Variants in KNL1 observed in about 807,000 individuals in gnomAD.
KNL1 encodes kinetochore scaffold 1.
KNL1 carries 66 observed loss-of-function variants against 201.3 expected under a neutral mutation model. That is an observed-to-expected ratio of 0.33 (90% CI 0.27 to 0.40). KNL1 has a LOEUF of 0.40. Among genes scored for constraint, KNL1 ranks in the 10% least tolerant of loss-of-function variants. The pLI, the probability that KNL1 is intolerant of heterozygous loss-of-function variation, is 1.00. For synonymous variants in KNL1, 895 were observed against 899.2 expected, an observed-to-expected ratio of 1.00 and a Z score of 0.08; for missense variants, 2,815 against 2,690.5, an observed-to-expected ratio of 1.05 and a Z score of -1.02.
At position 40,662,546 on chromosome 15, in the gene KNL1, A is replaced by G. The variant is rs557320445; in HGVS notation, c.*358A>G. On this transcript the variant is annotated 3_prime_UTR_variant, in exon 26 of 26. Transcript: ENST00000399668. ...TGACAAGAACATTAGCCATTTTCCC[A>G]TAACTAGATAGAGCTATGATTTTTT... 1.3e-5 allele frequency: 3 copies of G among 228,992 alleles called. No individual in the cohort carries two copies. The highest frequency in any genetic ancestry group is 4.4e-5 in the African/African-American group (2 of 45,032). The allele number at this position is 228,992 out of a possible 1,614,324, so 14.2% of individuals were successfully genotyped here.
chr15:40,612,132 G>A (rs1007133796), intron 7 of KNL1, among the ~76,000 whole-genome samples: 1 of 151,962 alleles, frequency 6.6e-6, no homozygotes, highest in East Asian at 1.9e-4. Context: ...CCTGGCCAAC[G>A]TGGTGAAACC....
Position 40,648,244 on chromosome 15 carries a change from G to A in KNL1, c.6094+1170G>A, listed in dbSNP as rs117438711. On this transcript the variant is annotated intron_variant, in intron 17 of 25. Coordinates refer to ENST00000399668, the MANE Select transcript of KNL1 (RefSeq NM_144508.5). Reference sequence around the variant, plus strand: ...ACCTTAAACTGTGAATACAGCCTGGGCAACAGAGTGAGGCACTATCTCTAC... The same window carrying A: ...ACCTTAAACTGTGAATACAGCCTGGACAACAGAGTGAGGCACTATCTCTAC... 6.1e-4 allele frequency among the ~76,000 whole-genome samples: 93 copies of A among 152,100 alleles called. 1 individual carries two copies. The East Asian group carries it at 0.012, about 20-fold the overall frequency.
rs1386035760 is a variant in KNL1 at position 40,624,830 on chromosome 15, C to G, written c.4566C>G (p.Phe1522Leu). 1.2e-6 allele frequency: 2 copies of G among 1,613,256 alleles called. No homozygotes were observed. The highest frequency in any genetic ancestry group is 1.7e-6 in the Non-Finnish European group (2 of 1,179,896). ...QTTNYNTALD[F>L]HSNSDVTKQV... ...CTAACTATAATACAGCTCTAGATTTCCACAGTAACTCAGACGTAACTAAGC... is the reference window on the plus strand; with the variant it reads ...CTAACTATAATACAGCTCTAGATTTGCACAGTAACTCAGACGTAACTAAGC... Residue 1522 changes from phenylalanine (F) to leucine (L), a missense_variant, in exon 10 of 26, where the codon TTC (phenylalanine) becomes TTG (leucine). Phe to Leu is a conservative substitution (Grantham distance 22). Coordinates refer to ENST00000399668, the MANE Select transcript of KNL1 (RefSeq NM_144508.5).
intron 2 of KNL1, among the ~76,000 whole-genome samples, chr15:40,603,493 T>G (rs1423039863): frequency 2.0e-5 from 3 of 152,196 alleles, no homozygotes; most frequent in East Asian, 3.8e-4. Context: ...ACTCATCTAC[T>G]CTGGGCATGG....
chr15:40,648,046 C>T (rs1893447868), intron 17 of KNL1, among the ~76,000 whole-genome samples: 1 of 152,114 alleles, frequency 6.6e-6, no homozygotes, highest in Non-Finnish European at 1.5e-5. Context: ...ATACTGCATG[C>T]CAGATACTGT....
At chr15:40,598,714 TTAAC>T (rs1891691588) in intron 1 of KNL1, among the ~76,000 whole-genome samples, 1 of 152,256 alleles carries the variant, frequency 6.6e-6, no homozygotes, top group East Asian at 1.9e-4. Flanking sequence ...TTTTCAAAGT[TTAAC>T]TATTAAGTTG....
rs115572380 is a variant in KNL1 at position 40,604,032 on chromosome 15, T to C, written c.35+1066T>C. On this transcript the variant is annotated intron_variant, in intron 2 of 25. Transcript: ENST00000399668. The stretch of plus-strand genomic sequence containing the variant: ...GAGGTGCTTTTGCCCCAGACCTGTT[T>C]TAGCTAGTCCTCAATTTGGTCCTGT... Among the ~76,000 whole-genome samples, 336 of 152,226 alleles carry C rather than the reference T, an allele frequency of 2.2e-3. 2 individuals are homozygous for C. Among genetic ancestry groups the C allele is most frequent in the African/African-American group, 7.9e-3 (330 of 41,526 alleles).
intron 7 of KNL1, among the ~76,000 whole-genome samples, chr15:40,614,254 C>T (rs1340002536): frequency 1.3e-5 from 2 of 152,102 alleles, no homozygotes; most frequent in South Asian, 2.1e-4. Flanking sequence ...CACACCACCA[C>T]GCCCAGCCAA....
At chr15:40,627,279 C>G (rs1197291536) in intron 10 of KNL1, among the ~76,000 whole-genome samples, 1 of 152,154 alleles carries the variant, frequency 6.6e-6, no homozygotes, top group African/African-American at 2.4e-5. Context: ...CTTTGGGAGG[C>G]CAGGGCAGGT....
intron 13 of KNL1, among the ~76,000 whole-genome samples, chr15:40,637,151 C>T (rs886588373): frequency 1.3e-5 from 2 of 149,280 alleles, no homozygotes; most frequent in Non-Finnish European, 3.0e-5. Flanking sequence ...GGTCCTTTTC[C>T]ATCTCTCTTT....
intron 9 of KNL1, among the ~76,000 whole-genome samples, chr15:40,619,394 C>A (rs1199467144): frequency 6.7e-6 from 1 of 149,902 alleles, no homozygotes; most frequent in Admixed American, 6.7e-5. Flanking sequence ...CTATCTCCTA[C>A]AAGAAGGATT....
intron 1 of KNL1, among the ~76,000 whole-genome samples, chr15:40,599,111 A>G (rs1328857955): frequency 2.7e-5 from 4 of 150,396 alleles, no homozygotes; most frequent in African/African-American, 7.3e-5. Context: ...GGCCCATTTG[A>G]AAAAAAAAAT....
In KNL1 at chr15:40,625,176, A is replaced by G. The variant is rs374848639; in HGVS notation, c.4912A>G (p.Lys1638Glu). Residue 1638 changes from lysine (K) to glutamate (E), a missense_variant, in exon 10 of 26, where the codon AAG becomes GAG. By Grantham distance (56) the Lys-to-Glu change is moderately conservative (BLOSUM62 1). Around this residue, in one of 3 missense-constraint regions of KNL1, gnomAD observed 2,464 missense variants for 2,291.7 expected, o/e 1.08. Transcript: ENST00000399668. ...AGCTGAAACCACCTCTCTACCGCCA[A>G]AGACAGTTTTTAAAGATAAAGTAAG... ...NGAETTSLPPKTVFKDKVRRC... is the reference protein window; with the variant it reads ...NGAETTSLPPETVFKDKVRRC... 4.5e-5 allele frequency: 72 copies of G among 1,613,958 alleles called. No homozygotes were observed. Among genetic ancestry groups the G allele is most frequent in the Non-Finnish European group, 6.0e-5 (71 of 1,179,976 alleles).
Position 40,624,414 on chromosome 15 carries a change from A to G in KNL1, c.4150A>G (p.Thr1384Ala). ...STKGQLDCVITLHKDQDLIKD... is the reference protein window; with the variant it reads ...STKGQLDCVIALHKDQDLIKD... ...CAAAGGACAGTTAGACTGTGTTATA[A>G]CACTGCACAAAGATCAAGATCTGAT... Residue 1384 changes from threonine (T) to alanine (A), a missense_variant, in exon 10 of 26, where the codon ACA (threonine) becomes GCA (alanine). Around this residue, in one of 3 missense-constraint regions of KNL1, gnomAD observed 2,464 missense variants for 2,291.7 expected, o/e 1.08. Transcript: ENST00000399668. 6.2e-7 allele frequency: 1 copy of G among 1,614,024 alleles called. No homozygotes were observed. The highest frequency in any genetic ancestry group is 8.5e-7 in the Non-Finnish European group (1 of 1,179,944).
chr15:40,599,516 T>C lies in KNL1; in HGVS notation c.-17-3399T>C, dbSNP rs370226020. Among the ~76,000 whole-genome samples the C allele has an allele frequency of 2.6e-4, 40 of 151,126 alleles. No homozygotes were observed. In the East Asian group the frequency reaches 6.8e-3, roughly 26 times the overall value. On this transcript the variant is annotated intron_variant, in intron 1 of 25. Transcript: ENST00000399668. ...CTCCCACCTCAGCCTCCAGAGTAGC[T>C]GGGACTACATGTGCGAGCCACCATA...
In KNL1 at chr15:40,623,634, G is replaced by T. The variant is rs769860986; in HGVS notation, c.3370G>T (p.Asp1124Tyr). ...SKTILYSCGQDDMEITRSHTT... is the reference protein window; with the variant it reads ...SKTILYSCGQYDMEITRSHTT... Reference sequence around the variant, plus strand: ...AACTATTTTGTATTCATGTGGGCAGGATGACATGGAGATCACTAGGAGTCA... The same window carrying T: ...AACTATTTTGTATTCATGTGGGCAGTATGACATGGAGATCACTAGGAGTCA... The change falls in exon 10 of 26, where the codon GAT becomes TAT. Residue 1124 changes from aspartate (D) to tyrosine (Y), a missense_variant. By Grantham distance (160) the Asp-to-Tyr change is radical. This residue lies in a region of KNL1 where 2,464 missense variants were observed against 2,291.7 expected (regional missense o/e 1.08). Transcript: ENST00000399668. 11 of 1,613,676 alleles carry T rather than the reference G, an allele frequency of 6.8e-6. No homozygotes were observed. The highest frequency in any genetic ancestry group is 1.6e-4 in the Middle Eastern group (1 of 6,084).
intron 1 of KNL1, among the ~76,000 whole-genome samples, chr15:40,595,938 A>T (rs533675313): frequency 3.9e-5 from 6 of 152,208 alleles, no homozygotes; most frequent in Non-Finnish European, 7.3e-5. Context: ...GATAGTAAAT[A>T]TTTCAGGCTT....
intron 13 of KNL1, among the ~76,000 whole-genome samples, chr15:40,633,029 C>T (rs1466296450): frequency 1.3e-5 from 2 of 152,030 alleles, no homozygotes; most frequent in East Asian, 3.9e-4. Context: ...ACAGGGGGTC[C>T]CATAGGATTT....
rs374757048 is a variant in KNL1, at chr15:40,622,027, T to C, written c.1763T>C (p.Leu588Pro). ...HTSNLGSQVP[L>P]AAYNLAPEST... ...AGTAACTTAGGAAGTCAGGTTCCTCTTGCAGCTTATAATCTAGCACCGGAG... is the reference window on the plus strand; with the variant it reads ...AGTAACTTAGGAAGTCAGGTTCCTCCTGCAGCTTATAATCTAGCACCGGAG... The change falls in exon 10 of 26, where the codon CTT becomes CCT. Residue 588 changes from leucine to proline, a missense_variant. Leu to Pro is a moderately conservative substitution (Grantham distance 98). Around this residue, in one of 3 missense-constraint regions of KNL1, gnomAD observed 2,464 missense variants for 2,291.7 expected, o/e 1.08. Transcript: ENST00000399668. The C allele has an allele frequency of 2.1e-5, 34 of 1,613,968 alleles. No individual in the cohort carries two copies. Among genetic ancestry groups the C allele is most frequent in the Non-Finnish European group, 2.8e-5 (33 of 1,179,980 alleles).
Sources: gnomAD v4.1 joint callset for allele counts (sites outside exome capture counted in the v4.1 genomes callset) on GRCh38, gnomAD v4.1.1 for gene constraint, gnomAD v4.1.1 regional missense constraint, MANE v1.5 for transcripts, NCBI Gene and HGNC (gene_info 2026-07-23, HGNC 2026-07-21) for gene names.